PPP1R21: variants seen among roughly 807,000 people sequenced by gnomAD.
PPP1R21 encodes the protein protein phosphatase 1 regulatory subunit 21.
In PPP1R21, 85 loss-of-function variants were observed where a neutral mutation model predicts 112.8. That is an observed-to-expected ratio of 0.75 (90% CI 0.63 to 0.90). PPP1R21 has a LOEUF of 0.90. Ranked by LOEUF, PPP1R21 falls within the 40% of genes least tolerant of loss-of-function variation. The pLI, the probability that PPP1R21 is intolerant of heterozygous loss-of-function variation, is 0.00. For missense variants in PPP1R21, 1,199 were observed against 901.5 expected (o/e 1.33, Z -4.23); for synonymous variants, 381 against 322.3 (o/e 1.18, Z -1.95).
At chr2:48,443,046 G>A (rs954090800) in intron 1 of PPP1R21, among the ~76,000 whole-genome samples, 3 of 152,174 alleles carry the variant, frequency 2.0e-5, no homozygotes, top group African/African-American at 7.2e-5. Flanking sequence ...TATAAAGTTA[G>A]TGACCTCTGG....
intron 17 of PPP1R21, among the ~76,000 whole-genome samples, chr2:48,502,805 C>G (rs144582405): frequency 0.016 from 2,373 of 151,648 alleles, 57 homozygotes; most frequent in African/African-American, 0.052. Context: ...CTCAGGCTTC[C>G]AAGTAGCTGG....
At chr2:48,452,322 G>A (rs911868799) in intron 2 of PPP1R21, among the ~76,000 whole-genome samples, 2 of 152,042 alleles carry the variant, frequency 1.3e-5, no homozygotes, top group Admixed American at 6.6e-5. Flanking sequence ...TGCATACCAG[G>A]CATTGTGCTA....
At chr2:48,464,533 G>A (rs1038929196) in intron 7 of PPP1R21, among the ~76,000 whole-genome samples, 6 of 152,122 alleles carry the variant, frequency 3.9e-5, no homozygotes, top group African/African-American at 1.4e-4. Flanking sequence ...AGATTTTTCC[G>A]GTAATGTAGT....
intron 18 of PPP1R21, among the ~76,000 whole-genome samples, chr2:48,506,020 A>G (rs1444555346): frequency 6.6e-6 from 1 of 152,218 alleles, no homozygotes; most frequent in African/African-American, 2.4e-5. Flanking sequence ...CCACAAAGCA[A>G]GTGAACCCAG....
At chr2:48,506,904 C>T (rs1351319359) in intron 18 of PPP1R21, among the ~76,000 whole-genome samples, 1 of 150,044 alleles carries the variant, frequency 6.7e-6, no homozygotes, top group African/African-American at 2.5e-5. Flanking sequence ...CAAGACTGCG[C>T]CACTGCACTC....
Position 48,495,725 on chromosome 2 carries a change from G to T in PPP1R21, c.1646G>T (p.Arg549Leu), listed in dbSNP as rs144544742. ...VPYEEALANR[R>L]ILLSSTESRE... ...TATGAAGAAGCACTGGCAAACCGCC[G>T]CATCCTTCTCAGCTCTACTGAAAGT... The change falls in exon 16 of 22, where the codon CGC becomes CTC. Residue 549 changes from arginine (R) to leucine (L), a missense_variant. Physicochemically the swap from Arg to Leu is moderately radical, Grantham distance 102. Transcript: ENST00000294952. The T allele has an allele frequency of 8.1e-6, 13 of 1,612,118 alleles. No homozygotes were observed. Among genetic ancestry groups the T allele is most frequent in the Admixed American group, 1.7e-5 (1 of 60,010 alleles).
chr2:48,441,354 C>A (rs982198897), intron 1 of PPP1R21: 7 of 367,738 alleles, frequency 1.9e-5, no homozygotes, highest in African/African-American at 1.6e-4. Context: ...CCACTCCTCA[C>A]CTCGCTGCTT....
At position 48,458,177 on chromosome 2, in the gene PPP1R21, G is replaced by C. The variant is rs747374377; in HGVS notation, c.325G>C (p.Asp109His). The change falls in exon 4 of 22, where the codon GAT (aspartate) becomes CAT (histidine). Residue 109 changes from aspartate (D) to histidine (H), a missense_variant. Transcript: ENST00000294952. ...GAGTCAAGAGCAGAAGAGTGTCTTT[G>C]ATGAAGATCTGCAAAAGAAGATAGA... ...QLSQEQKSVF[D>H]EDLQKKIEEN... is the part of the protein sequence containing the mutation. 7 of 1,612,518 alleles carry C rather than the reference G, an allele frequency of 4.3e-6. No homozygotes were observed.
chr2:48,442,531 C>T (rs1472573567), intron 1 of PPP1R21, among the ~76,000 whole-genome samples: 1 of 152,186 alleles, frequency 6.6e-6, no homozygotes, highest in Non-Finnish European at 1.5e-5. Flanking sequence ...TTTGAGCAGT[C>T]TGCCAGGGTC....
At chr2:48,488,524 G>C (rs1016931238) in intron 14 of PPP1R21, among the ~76,000 whole-genome samples, 1 of 152,062 alleles carries the variant, frequency 6.6e-6, no homozygotes, top group Non-Finnish European at 1.5e-5. Flanking sequence ...CTGCCACCAT[G>C]CCTGGCTAAT....
rs1356298143 is a variant in PPP1R21, at chr2:48,469,285, GTGTGTGTGTGTATGTA to G, written c.898-1800_898-1785del. ...ATTGTGTGTGTGTGTGTGTGTGTGT[GTGTGTGTGTGTATGTA>G]TATATATACACACACACACATATAT... On this transcript the variant is annotated intron_variant, in intron 9 of 21. Transcript: ENST00000294952. 3.7e-3 allele frequency among the ~76,000 whole-genome samples: 182 copies of G among 49,130 alleles called. 3 individuals carry two copies. The highest frequency in any genetic ancestry group is 0.012 in the African/African-American group (167 of 13,810). The allele number at this position is 49,130 out of a possible 152,430, so 32.2% of individuals were successfully genotyped here.
intron 9 of PPP1R21, among the ~76,000 whole-genome samples, chr2:48,469,531 T>TAGAGA: frequency 1.5e-5 from 1 of 65,842 alleles, no homozygotes; most frequent in South Asian, 5.2e-4. Flanking sequence ...TATATATATA[T>TAGAGA]ATATAGAGCA....
At chr2:48,455,196 G>T (rs1667667049) in intron 3 of PPP1R21, among the ~76,000 whole-genome samples, 1 of 128,090 alleles carries the variant, frequency 7.8e-6, no homozygotes, top group African/African-American at 3.0e-5. Flanking sequence ...GCCTAGGCTA[G>T]AGTGCAATGG....
chr2:48,445,728 A>G (rs1667217795), intron 1 of PPP1R21, among the ~76,000 whole-genome samples: 1 of 152,208 alleles, frequency 6.6e-6, no homozygotes, highest in Non-Finnish European at 1.5e-5. Context: ...GAGCAGGAGA[A>G]AGGATGCCAT....
chr2:48,463,898 T>A (rs1358843586), intron 7 of PPP1R21, among the ~76,000 whole-genome samples: 1 of 151,954 alleles, frequency 6.6e-6, no homozygotes, highest in Non-Finnish European at 1.5e-5. Context: ...GAGGCCATCC[T>A]ATCCATTGGG....
chr2:48,456,676 G>T (rs879930207), intron 3 of PPP1R21, among the ~76,000 whole-genome samples: 1 of 152,166 alleles, frequency 6.6e-6, no homozygotes, highest in Admixed American at 6.5e-5. Context: ...AAGCATTCCC[G>T]AGAGTGTTAG....
chr2:48,504,408 T>A (rs1670276675), intron 17 of PPP1R21, among the ~76,000 whole-genome samples: 1 of 152,054 alleles, frequency 6.6e-6, no homozygotes, highest in African/African-American at 2.4e-5. Context: ...TTTGGGAGGG[T>A]GAGGCAGGCA....
chr2:48,508,820 A>G lies in PPP1R21; in HGVS notation c.2086-1195A>G, dbSNP rs552903922. Among the ~76,000 whole-genome samples the G allele has an allele frequency of 2.6e-5, 4 of 152,178 alleles. No homozygotes were observed. In the South Asian group the frequency reaches 6.2e-4, roughly 24 times the overall value. On this transcript the variant is annotated intron_variant, in intron 19 of 21. Coordinates refer to ENST00000294952, the MANE Select transcript of PPP1R21 (RefSeq NM_001135629.3). ...GAGAAATGAAATAAGTAGCTGAGGA[A>G]TTTTTTTTAGGCTGTTTGATTTCCA... is the stretch of plus-strand genomic sequence containing the variant.
intron 7 of PPP1R21, among the ~76,000 whole-genome samples, chr2:48,461,479 A>G (rs1442009791): frequency 6.6e-6 from 1 of 152,168 alleles, no homozygotes; most frequent in Non-Finnish European, 1.5e-5. Context: ...GATTGCATGT[A>G]TTTAGCATTT....
Sources: gnomAD v4.1 joint callset for allele counts (sites outside exome capture counted in the v4.1 genomes callset) on GRCh38, gnomAD v4.1.1 for gene constraint, MANE v1.5 for transcripts, NCBI Gene and HGNC (gene_info 2026-07-23, HGNC 2026-07-21) for gene names.